The following SERINC5 variants were observed in gnomAD, a reference collection of about 807,000 sequenced individuals.
SERINC5 encodes the protein chromosome 5 open reading frame 12.
SERINC5 carries 41 observed loss-of-function variants against 63.1 expected under a neutral mutation model. That is an observed-to-expected ratio of 0.65 (90% CI 0.51 to 0.84). SERINC5 has a LOEUF of 0.84. Ranked by LOEUF, SERINC5 falls within the 40% of genes least tolerant of loss-of-function variation. SERINC5 has a pLI of 0.00. For missense variants in SERINC5, 523 were observed against 573.0 expected (o/e 0.91, Z 0.89); for synonymous variants, 222 against 215.2 (o/e 1.03, Z -0.28).
Position 80,174,993 on chromosome 5 carries a change from AG to A in SERINC5, c.511del (p.Leu171SerfsTer31). 1 of 1,603,536 alleles carries A rather than the reference AG, an allele frequency of 6.2e-7. No homozygotes were observed. The highest frequency in any genetic ancestry group is 1.7e-5 in the Admixed American group (1 of 58,660). ...GGFLFIGIQL[L>X]LLVEFAHKWN... Reference sequence around the variant, plus strand: ...CTTATGTGCAAACTCCACGAGCAGGAGGAGCTGGATGCCAATGAAGAGGAAG... The same window carrying A: ...CTTATGTGCAAACTCCACGAGCAGGAGAGCTGGATGCCAATGAAGAGGAAG... On this transcript the variant is annotated frameshift_variant, in exon 5 of 12. Transcript: ENST00000507668. LOFTEE classifies it high-confidence loss of function.
At chr5:80,220,913 G>A (rs1750870041) in intron 1 of SERINC5, among the ~76,000 whole-genome samples, 2 of 152,154 alleles carry the variant, frequency 1.3e-5, no homozygotes, top group African/African-American at 4.8e-5. Flanking sequence ...GCATGAGACA[G>A]CAGGGAAGAA....
At chr5:80,192,689 A>G (rs1270530665) in intron 2 of SERINC5, among the ~76,000 whole-genome samples, 1 of 152,188 alleles carries the variant, frequency 6.6e-6, no homozygotes, top group East Asian at 1.9e-4. Flanking sequence ...GATCTATTTG[A>G]AGACTGCAGA....
Position 80,139,894 on chromosome 5 carries a change from T to C in SERINC5, c.*3769A>G. On this transcript the variant is annotated 3_prime_UTR_variant, in exon 12 of 12. Coordinates refer to ENST00000507668, the MANE Select transcript of SERINC5 (RefSeq NM_001174072.3). ...TTCCAAGAGGTATAGGACACTAGAG[T>C]ACACCAAATGAGATACTATTTGGAA... is the stretch of plus-strand genomic sequence containing the variant. 1.0e-5 allele frequency: 10 copies of C among 985,152 alleles called. No individual in the cohort carries two copies. Among genetic ancestry groups the C allele is most frequent in the Non-Finnish European group, 8.4e-6 (7 of 829,892 alleles). The allele number at this position is 985,152 out of a possible 1,614,324, so 61.0% of individuals were successfully genotyped here. A position where few individuals can be genotyped will look rare whatever the true frequency, so the allele number is the denominator to read the frequency against.
intron 2 of SERINC5, among the ~76,000 whole-genome samples, chr5:80,189,735 G>GACAGCCTTTTCTTTTAATAGA (rs1398389964): frequency 7.9e-5 from 12 of 151,988 alleles, no homozygotes; most frequent in Non-Finnish European, 1.6e-4. Flanking sequence ...TAATAGAGAA[G>GACAGCCTTTTCTTTTAATAGA]GGGTCTTGCT....
intron 2 of SERINC5, among the ~76,000 whole-genome samples, chr5:80,179,248 G>A (rs9293802): frequency 0.15 from 22,409 of 152,068 alleles, 2,498 homozygotes; most frequent in African/African-American, 0.31. Flanking sequence ...GCAGCGAGCC[G>A]AGATCGTGAC....
chr5:80,170,518 C>CTTAA (rs1229790176), intron 5 of SERINC5, among the ~76,000 whole-genome samples: 2 of 152,158 alleles, frequency 1.3e-5, no homozygotes, highest in African/African-American at 4.8e-5. Context: ...TGTCTCCAGG[C>CTTAA]TTAACTCTCC....
At chr5:80,221,205 T>C (rs1750888274) in intron 1 of SERINC5, among the ~76,000 whole-genome samples, 2 of 151,906 alleles carry the variant, frequency 1.3e-5, no homozygotes, top group Non-Finnish European at 2.9e-5. Context: ...AATAAATAAA[T>C]AAATAAATAA....
At chr5:80,136,661 A>G (rs1394753063), downstream of SERINC5, among the ~76,000 whole-genome samples, 2 of 152,228 alleles carry the variant, frequency 1.3e-5, no homozygotes, top group Admixed American at 1.3e-4. Flanking sequence ...AAGTTAGGAG[A>G]CAACCTACAG....
downstream of SERINC5, among the ~76,000 whole-genome samples, chr5:80,136,975 A>C (rs897747566): frequency 2.6e-5 from 4 of 151,886 alleles, no homozygotes; most frequent in East Asian, 2.0e-4. Context: ...CTCTACCCCC[A>C]AAAATACAAA....
intron 5 of SERINC5, among the ~76,000 whole-genome samples, chr5:80,170,368 A>G (rs1580104312): frequency 6.6e-6 from 1 of 152,248 alleles, no homozygotes; most frequent in African/African-American, 2.4e-5. Flanking sequence ...CTTATGAGCA[A>G]TTTGAGGGCA....
chr5:80,167,507 G>A (rs1338639769), intron 6 of SERINC5, among the ~76,000 whole-genome samples: 1 of 152,098 alleles, frequency 6.6e-6, no homozygotes, highest in East Asian at 1.9e-4. Flanking sequence ...GGGCATGTCG[G>A]TGATTCCATA....
chr5:80,137,232 T>C (rs1280893277), downstream of SERINC5, among the ~76,000 whole-genome samples: 2 of 148,886 alleles, frequency 1.3e-5, no homozygotes, highest in African/African-American at 4.9e-5. Flanking sequence ...AATGGGTATA[T>C]ACCCAAAGGG....
chr5:80,161,620 C>G (rs1195008667), intron 7 of SERINC5, among the ~76,000 whole-genome samples: 1 of 152,094 alleles, frequency 6.6e-6, no homozygotes, highest in Non-Finnish European at 1.5e-5. Context: ...CTATAAGACA[C>G]AGTTTGCAAA....
At chr5:80,185,682 T>C (rs1748751294) in intron 2 of SERINC5, among the ~76,000 whole-genome samples, 1 of 151,976 alleles carries the variant, frequency 6.6e-6, no homozygotes, top group Non-Finnish European at 1.5e-5. Context: ...GGGGGTTCGT[T>C]CTCTGGTGGG....
rs1745805831 is a variant in SERINC5, at chr5:80,146,119, A to G, written c.1209T>C (p.Tyr403=). ...FHFVFFLASL[Y]VMMTVTNWFN... is the part of the protein sequence containing the mutation. ...ACCAGTTGGTGACGGTCATCATCAC[A>G]TACAGGGAAGCTAGGAAGAACACGA... The change falls in exon 11 of 12, where the codon TAT becomes TAC. Residue 403 remains tyrosine, a synonymous_variant. Coordinates refer to ENST00000507668, the MANE Select transcript of SERINC5 (RefSeq NM_001174072.3). 2 of 1,614,050 alleles carry G rather than the reference A, an allele frequency of 1.2e-6. No homozygotes were observed. The highest frequency in any genetic ancestry group is 1.7e-6 in the Non-Finnish European group (2 of 1,179,880).
At chr5:80,227,086 A>G (rs61099323) in intron 1 of SERINC5, among the ~76,000 whole-genome samples, 91,070 of 151,760 alleles carry the variant, frequency 0.6, 27,608 homozygotes, top group African/African-American at 0.67. Context: ...TGTAGGGACA[A>G]GGTTTCACCA....
chr5:80,215,945 T>C (rs1750640073), intron 1 of SERINC5, among the ~76,000 whole-genome samples: 1 of 152,190 alleles, frequency 6.6e-6, no homozygotes, highest in South Asian at 2.1e-4. Flanking sequence ...AGAAGAATGT[T>C]TATCAAGTCC....
rs78059909 is a variant in SERINC5 at position 80,204,585 on chromosome 5, A to G, written c.28-1532T>C. On this transcript the variant is annotated intron_variant, in intron 1 of 11. Transcript: ENST00000507668. ...GTGCTATCTTTAATGACAACCATCA[A>G]TGGTTTGGGAGATGCCCAATTATTA... is the stretch of plus-strand genomic sequence containing the variant. Among the ~76,000 whole-genome samples the G allele has an allele frequency of 8.3e-3, 1,258 of 152,314 alleles. 9 individuals carry two copies. The highest frequency in any genetic ancestry group is 0.015 in the South Asian group (70 of 4,824).
At chr5:80,149,212 A>G (rs1325955599) in intron 9 of SERINC5, among the ~76,000 whole-genome samples, 1 of 152,198 alleles carries the variant, frequency 6.6e-6, no homozygotes, top group Non-Finnish European at 1.5e-5. Flanking sequence ...CTCTGTACAC[A>G]ATAGGGACAT....
Sources: allele counts gnomAD v4.1 joint callset (sites outside exome capture counted in the v4.1 genomes callset), GRCh38; gene constraint gnomAD v4.1.1; transcripts MANE v1.5; gene names NCBI Gene and HGNC (gene_info 2026-07-23, HGNC 2026-07-21).